Variants in ARPP21 observed in about 807,000 individuals in gnomAD.
ARPP21 encodes the protein cAMP-regulated phosphoprotein 21.
Under a neutral mutation model 113.2 loss-of-function variants are expected in ARPP21, and 69 were observed. The observed-to-expected ratio is 0.61, with a 90% CI of 0.50 to 0.74. The LOEUF is 0.74. Among genes scored for constraint, ARPP21 ranks in the 30% least tolerant of loss-of-function variants. The pLI, the probability that ARPP21 is intolerant of heterozygous loss-of-function variation, is 0.00. For missense variants in ARPP21, 1,070 were observed against 1,037.4 expected, an observed-to-expected ratio of 1.03 and a Z score of -0.43; for synonymous variants, 368 against 375.5, an observed-to-expected ratio of 0.98 and a Z score of 0.23.
At chr3:35,791,002 C>G (rs2096736225) in intron 19 of ARPP21, among the ~76,000 whole-genome samples, 1 of 152,178 alleles carries the variant, frequency 6.6e-6, no homozygotes, top group Non-Finnish European at 1.5e-5. Flanking sequence ...CTCTCCAATT[C>G]TCCAAACTGA....
At chr3:35,728,467 C>T (rs1236481916) in intron 14 of ARPP21, among the ~76,000 whole-genome samples, 1 of 151,296 alleles carries the variant, frequency 6.6e-6, no homozygotes, top group African/African-American at 2.4e-5. Flanking sequence ...ATCCACCTGC[C>T]TTGGCCTCCC....
intron 7 of ARPP21, 65 bp from the exon 8 acceptor site, chr3:35,690,015 TA>T (rs1461679050): frequency 1.0e-5 from 8 of 765,902 alleles, no homozygotes. Context: ...TACATTTAAT[TA>T]ATTCTTTAGG....
At chr3:35,688,028 A>G in intron 6 of ARPP21, 145 bp downstream of exon 6, 1 of 699,474 alleles carries the variant, frequency 1.4e-6, no homozygotes, top group South Asian at 2.8e-5. Context: ...GTGTGTAAAA[A>G]ATGTGAACTT....
At chr3:35,789,419 A>C (rs2096701234) in intron 19 of ARPP21, among the ~76,000 whole-genome samples, 1 of 152,214 alleles carries the variant, frequency 6.6e-6, no homozygotes, top group South Asian at 2.1e-4. Flanking sequence ...CCCCAATTAA[A>C]CCATTGCAGG....
intron 1 of ARPP21, among the ~76,000 whole-genome samples, chr3:35,670,342 C>T (rs2076015380): frequency 6.6e-6 from 1 of 151,846 alleles, no homozygotes; most frequent in South Asian, 2.1e-4. Context: ...ATTCAACTCT[C>T]TCACTTCTCC....
intron 9 of ARPP21, among the ~76,000 whole-genome samples, chr3:35,696,519 C>G (rs984166112): frequency 2.0e-5 from 3 of 151,496 alleles, no homozygotes; most frequent in African/African-American, 7.3e-5. Context: ...GAGAAGCCCT[C>G]CACGTTGTGT....
Position 35,745,574 on chromosome 3 carries a change from C to T in ARPP21, c.2137+1609C>T, listed in dbSNP as rs529083228. ...CAGTTACAAAACATGCTGCAATCCA[C>T]TAAACCCATAAACTCTAGATCTATG... On this transcript the variant is annotated intron_variant, in intron 19 of 20. Transcript: ENST00000684406. 8.5e-5 allele frequency among the ~76,000 whole-genome samples: 13 copies of T among 152,306 alleles called. No homozygotes were observed. The East Asian group carries it at 2.5e-3, about 29-fold the overall frequency.
At chr3:35,648,752 G>A (rs1701240124) in intron 1 of ARPP21, among the ~76,000 whole-genome samples, 1 of 152,188 alleles carries the variant, frequency 6.6e-6, no homozygotes, top group African/African-American at 2.4e-5. Context: ...GAGAAGGTGA[G>A]TTATACAAAG....
At chr3:35,718,368 GA>G (rs1365157877) in intron 13 of ARPP21, among the ~76,000 whole-genome samples, 3 of 152,066 alleles carry the variant, frequency 2.0e-5, no homozygotes, top group African/African-American at 7.2e-5. Flanking sequence ...TTCCACACTT[GA>G]AGATTTAAGA....
chr3:35,789,287 A>G (rs1318446388), intron 19 of ARPP21, among the ~76,000 whole-genome samples: 2 of 152,194 alleles, frequency 1.3e-5, no homozygotes, highest in African/African-American at 4.8e-5. Context: ...TTCATAGGTC[A>G]CTGCTATTTT....
Position 35,722,389 on chromosome 3 carries a change from A to T in ARPP21, c.1225+555A>T, listed in dbSNP as rs569010195. Among the ~76,000 whole-genome samples the T allele has an allele frequency of 3.9e-5, 6 of 152,314 alleles. No homozygotes were observed. In the South Asian group the frequency reaches 1.2e-3, roughly 32 times the overall value. On this transcript the variant is annotated intron_variant, in intron 14 of 20. Coordinates refer to ENST00000684406, the MANE Select transcript of ARPP21 (RefSeq NM_001385562.1). ...ACCATTCTGTGCCTCTGTTTTCTTC[A>T]TCTGATAAATAGAAATAATAATAGT...
At chr3:35,651,975 ACAGAGTG>A (rs1217652908) in intron 1 of ARPP21, 1 of 152,144 alleles carries the variant, frequency 6.6e-6, no homozygotes, top group Non-Finnish European at 1.5e-5. Context: ...ATCTGTGAAC[ACAGAGTG>A]CAGGTCATTG....
Position 35,689,344 on chromosome 3 carries a change from C to T in ARPP21, c.444C>T (p.Asp148=), listed in dbSNP as rs1559625525. ...SQEYTDSTGI[D]LHEFLINTLK... is the part of the protein sequence containing the mutation. ...AATACACGGATTCTACAGGCATAGA[C>T]TTACACGAGTTTCTGATTAACACAT... Residue 148 remains aspartate, a synonymous_variant, in exon 7 of 21, where the codon GAC becomes GAT. Transcript: ENST00000684406. 6.3e-7 allele frequency: 1 copy of T among 1,586,898 alleles called. No homozygotes were observed. Among genetic ancestry groups the T allele is most frequent in the Non-Finnish European group, 8.6e-7 (1 of 1,156,298 alleles).
At chr3:35,706,073 C>T (rs965318875) in intron 9 of ARPP21, among the ~76,000 whole-genome samples, 3 of 152,144 alleles carry the variant, frequency 2.0e-5, no homozygotes, top group African/African-American at 7.2e-5. Flanking sequence ...GACAGAAAAC[C>T]TTCTAGGCTT....
chr3:35,668,017 G>GAAGAAGAAGAAGAAGAAGAAA (rs2075277566), intron 1 of ARPP21, among the ~76,000 whole-genome samples: 3 of 149,584 alleles, frequency 2.0e-5, no homozygotes, highest in East Asian at 2.0e-4. Flanking sequence ...AGAAGAAGAA[G>GAAGAAGAAGAAGAAGAAGAAA]AAGAAGAAGA....
chr3:35,667,790 C>A (rs561776530), intron 1 of ARPP21, among the ~76,000 whole-genome samples: 3 of 150,008 alleles, frequency 2.0e-5, no homozygotes, highest in Admixed American at 6.7e-5. Context: ...CAAAATACTG[C>A]ACTTTGGAAG....
intron 19 of ARPP21, among the ~76,000 whole-genome samples, chr3:35,765,035 T>G (rs2095912154): frequency 6.6e-6 from 1 of 152,086 alleles, no homozygotes; most frequent in Non-Finnish European, 1.5e-5. Context: ...GTACCTACTA[T>G]TGCTAAAGGA....
chr3:35,721,540 C>T lies in ARPP21; in HGVS notation c.996-65C>T, dbSNP rs923805688. The T allele has an allele frequency of 1.2e-5, 11 of 921,084 alleles. No homozygotes were observed. In the African/African-American group the frequency reaches 1.8e-4, roughly 15 times the overall value. 57.1% of individuals were successfully genotyped at this position (921,084 alleles called of 1,614,324 possible). A position where few individuals can be genotyped will look rare whatever the true frequency, so the allele number is the denominator to read the frequency against. ...CTTCCAAGAAAAGCCTTGCTCTGTGCCTACCAACACCATGCATGTAAGGTA... is the reference window on the plus strand; with the variant it reads ...CTTCCAAGAAAAGCCTTGCTCTGTGTCTACCAACACCATGCATGTAAGGTA... On this transcript the variant is annotated intron_variant, in intron 13 of 20. Coordinates refer to ENST00000684406, the MANE Select transcript of ARPP21 (RefSeq NM_001385562.1).
intron 12 of ARPP21, among the ~76,000 whole-genome samples, chr3:35,716,894 A>G (rs1372791824): frequency 6.6e-6 from 1 of 152,078 alleles, no homozygotes; most frequent in Non-Finnish European, 1.5e-5. Context: ...TAAGTGACTT[A>G]CCACCAAAAA....
Sources: gnomAD v4.1 joint callset for allele counts (sites outside exome capture counted in the v4.1 genomes callset) on GRCh38, gnomAD v4.1.1 for gene constraint, MANE v1.5 for transcripts, NCBI Gene and HGNC (gene_info 2026-07-23, HGNC 2026-07-21) for gene names.